Variants in SLC22A25 observed in about 807,000 individuals in gnomAD.
The protein encoded by SLC22A25 is solute carrier family 22 member 25, also known as MGI:2442751, MGI:2385316, MGI:3042283, MGI:3645714, MGI:3605624, MGI:2442750.
A neutral mutation model predicts 45.9 loss-of-function variants in SLC22A25; 44 were observed. That is an observed-to-expected ratio of 0.96 (90% confidence interval 0.75 to 1.23). The LOEUF (loss-of-function observed/expected upper bound fraction) is 1.23. SLC22A25 is among the 50% of genes most tolerant of loss of function. The pLI, the probability that SLC22A25 is intolerant of heterozygous loss-of-function variation, is 0.00. For synonymous variants in SLC22A25, 283 were observed against 238.6 expected, an observed-to-expected ratio of 1.19 and a Z score of -1.72; for missense variants, 800 against 666.4, an observed-to-expected ratio of 1.20 and a Z score of -2.21.
At chr11:63,192,819 G>T (rs1290686800) in intron 7 of SLC22A25, among the ~76,000 whole-genome samples, 3 of 152,188 alleles carry the variant, frequency 2.0e-5, no homozygotes, top group African/African-American at 7.2e-5. Context: ...CAATGCAGGA[G>T]TACCCAAATT....
intron 9 of SLC22A25, among the ~76,000 whole-genome samples, chr11:63,170,137 A>G (rs2087827607): frequency 6.6e-6 from 1 of 152,218 alleles, no homozygotes; most frequent in Admixed American, 6.5e-5. Flanking sequence ...GACAAAATGT[A>G]TGAGAATCTC....
Position 63,158,670 on chromosome 11 carries a change from G to T in SLC22A25, c.*5154C>A, listed in dbSNP as rs1363166859. On this transcript the variant is annotated 3_prime_UTR_variant, in exon 12 of 12. Coordinates refer to ENST00000306494, the MANE Select transcript of SLC22A25 (RefSeq NM_199352.6). ...TATTTTGACTACAGCACCCTGTTGT[G>T]TTATCAAATACTGGATATTAATAAT... Among the ~76,000 whole-genome samples the T allele has an allele frequency of 6.6e-6, 1 of 152,130 alleles. No homozygotes were observed. Among genetic ancestry groups the T allele is most frequent in the African/African-American group, 2.4e-5 (1 of 41,412 alleles).
At position 63,229,419 on chromosome 11, in the gene SLC22A25, T is replaced by TA. The variant is rs1191471363; in HGVS notation, c.233_234insT (p.Phe79IlefsTer32). On this transcript the variant is annotated frameshift_variant, in exon 4 of 12. Transcript: ENST00000306494. LOFTEE classifies it high-confidence loss of function. Reference sequence around the variant, plus strand: ...TCTCTGGCCTCAGATTTGAGTCGAATGGGATGGAGATTCTCAGGAGGGCAT... The same window carrying TA: ...TCTCTGGCCTCAGATTTGAGTCGAATAGGGATGGAGATTCTCAGGAGGGCAT... 7 of 1,614,124 alleles carry TA rather than the reference T, an allele frequency of 4.3e-6. No homozygotes were observed. The highest frequency in any genetic ancestry group is 5.9e-6 in the Non-Finnish European group (7 of 1,179,966).
chr11:63,169,434 A>G (rs1353800480), intron 9 of SLC22A25, among the ~76,000 whole-genome samples: 4 of 152,182 alleles, frequency 2.6e-5, no homozygotes, highest in African/African-American at 7.2e-5. Context: ...CTCATGTGCA[A>G]AGACACACAT....
Position 63,160,799 on chromosome 11 carries a change from T to G in SLC22A25, c.*3025A>C, listed in dbSNP as rs2087527262. Among the ~76,000 whole-genome samples the G allele has an allele frequency of 6.6e-6, 1 of 152,166 alleles. No individual in the cohort carries two copies. The highest frequency in any genetic ancestry group is 2.4e-5 in the African/African-American group (1 of 41,446). On this transcript the variant is annotated 3_prime_UTR_variant, in exon 12 of 12. Coordinates refer to ENST00000306494, the MANE Select transcript of SLC22A25 (RefSeq NM_199352.6). ...CCCAAGAGCATGGAAACCCACCTTT[T>G]GCATCATTGTGACCCAAATGTGAGA... is the stretch of plus-strand genomic sequence containing the variant.
At chr11:63,233,456 C>A (rs1327974236) in intron 3 of SLC22A25, among the ~76,000 whole-genome samples, 1 of 152,042 alleles carries the variant, frequency 6.6e-6, no homozygotes. Flanking sequence ...ATGGTAGTTT[C>A]TATTTCTGTG....
intron 7 of SLC22A25, among the ~76,000 whole-genome samples, chr11:63,208,652 G>A (rs572996450): frequency 2.6e-4 from 39 of 152,136 alleles, no homozygotes; most frequent in South Asian, 1.9e-3. Context: ...CTGGGGCAGG[G>A]GAGATGTGTG....
chr11:63,232,898 GT>G (rs2090096100), intron 3 of SLC22A25, among the ~76,000 whole-genome samples: 1 of 152,132 alleles, frequency 6.6e-6, no homozygotes. Context: ...TAATCATGTG[GT>G]TTTTGTCTTT....
chr11:63,232,617 C>A (rs1397348918), intron 3 of SLC22A25, among the ~76,000 whole-genome samples: 1 of 152,124 alleles, frequency 6.6e-6, no homozygotes, highest in East Asian at 1.9e-4. Flanking sequence ...TAATTGAATT[C>A]CCTTTATTCC....
At chr11:63,227,378 T>A (rs926701912) in intron 5 of SLC22A25, among the ~76,000 whole-genome samples, 91 of 152,254 alleles carry the variant, frequency 6.0e-4, no homozygotes, top group African/African-American at 2.1e-3. Flanking sequence ...CTGCCAGGAC[T>A]GGGCCCTTCT....
intron 4 of SLC22A25, 92 bp from the exon 5 acceptor site, chr11:63,228,656 A>G (rs1421035582): frequency 4.4e-6 from 4 of 908,376 alleles, no homozygotes; most frequent in Admixed American, 2.4e-5. Context: ...GTTTCATTCT[A>G]TCTTCCTCCC....
intron 7 of SLC22A25, among the ~76,000 whole-genome samples, chr11:63,213,332 A>G (rs1270465766): frequency 6.6e-6 from 1 of 152,182 alleles, no homozygotes; most frequent in Non-Finnish European, 1.5e-5. Context: ...CAGATGTAAA[A>G]AAAGCCCTTC....
intron 7 of SLC22A25, among the ~76,000 whole-genome samples, chr11:63,214,008 C>T (rs564305371): frequency 6.6e-6 from 1 of 152,132 alleles, no homozygotes; most frequent in Admixed American, 6.6e-5. Context: ...CAACTGTTGC[C>T]AAGAAATTGA....
intron 5 of SLC22A25, among the ~76,000 whole-genome samples, chr11:63,225,140 A>T (rs1483444884): frequency 1.2e-4 from 19 of 152,140 alleles, no homozygotes; most frequent in Non-Finnish European, 2.4e-4. Context: ...AAAATAAAAT[A>T]AAAAAGTTGT....
intron 7 of SLC22A25, among the ~76,000 whole-genome samples, chr11:63,211,986 C>T (rs1246592113): frequency 1.3e-5 from 2 of 151,824 alleles, no homozygotes; most frequent in Admixed American, 6.5e-5. Context: ...AAACAAACAA[C>T]CCCATCAAAA....
Position 63,162,567 on chromosome 11 carries a change from C to T in SLC22A25, c.*1257G>A, listed in dbSNP as rs184598894. Reference sequence around the variant, plus strand: ...GTTTTTCCACTTTTTTCATTTTTTACATTGTAATTATTTAAGCAATTACTC... The same window carrying T: ...GTTTTTCCACTTTTTTCATTTTTTATATTGTAATTATTTAAGCAATTACTC... On this transcript the variant is annotated 3_prime_UTR_variant, in exon 12 of 12. Transcript: ENST00000306494. Among the ~76,000 whole-genome samples, 257 of 152,058 alleles carry T rather than the reference C, an allele frequency of 1.7e-3. 1 individual carries two copies. The highest frequency in any genetic ancestry group is 6.0e-3 in the African/African-American group (249 of 41,514).
intron 7 of SLC22A25, among the ~76,000 whole-genome samples, chr11:63,207,629 T>C (rs897499116): frequency 1.3e-5 from 2 of 152,142 alleles, no homozygotes; most frequent in Admixed American, 1.3e-4. Context: ...CAGCTGTATG[T>C]AAGAAAACCC....
intron 3 of SLC22A25, among the ~76,000 whole-genome samples, chr11:63,232,971 C>T (rs2090097344): frequency 6.6e-6 from 1 of 152,016 alleles, no homozygotes; most frequent in South Asian, 2.1e-4. Context: ...GCCTTGCATC[C>T]CAGGGATGAA....
intron 7 of SLC22A25, among the ~76,000 whole-genome samples, chr11:63,214,085 G>C (rs1442709003): frequency 6.6e-6 from 1 of 152,174 alleles, no homozygotes; most frequent in South Asian, 2.1e-4. Context: ...TTCCAGTTCA[G>C]ATTTGGTCCA....
Sources: allele counts gnomAD v4.1 joint callset (sites outside exome capture counted in the v4.1 genomes callset), GRCh38; gene constraint gnomAD v4.1.1; transcripts MANE v1.5; gene names NCBI Gene and HGNC (gene_info 2026-07-23, HGNC 2026-07-21).